CACNA1G: variants seen among roughly 807,000 people sequenced by gnomAD.
CACNA1G encodes the protein voltage-dependent T-type calcium channel subunit alpha-1G.
A neutral mutation model predicts 219.4 loss-of-function variants in CACNA1G; 67 were observed. The observed-to-expected ratio is 0.31, with a 90% CI of 0.25 to 0.37. The LOEUF is 0.37. CACNA1G is among the 10% of genes least tolerant of loss of function. The probability of loss-of-function intolerance (pLI) is 1.00; values close to 1 mark genes in which losing one functional copy is unlikely to be tolerated. For synonymous variants in CACNA1G, 1,296 were observed against 1,345.3 expected (o/e 0.96, Z 0.80); for missense variants, 2,380 against 3,231.4 (o/e 0.74, Z 6.39).
At chr17:50,597,085 A>G (rs1036683225) in intron 16 of CACNA1G, among the ~76,000 whole-genome samples, 162 bp downstream of exon 16, 1 of 152,088 alleles carries the variant, frequency 6.6e-6, no homozygotes, top group African/African-American at 2.4e-5. Context: ...TGCGCCGGTG[A>G]TGCAAACCAG....
At position 50,603,171 on chromosome 17, in the gene CACNA1G, C is replaced by T. The variant is rs536204813; in HGVS notation, c.4141C>T (p.Arg1381Trp). The change falls in exon 21 of 38, where the codon CGG (arginine) becomes TGG (tryptophan). Residue 1381 changes from arginine (R) to tryptophan (W), a missense_variant. Physicochemically the swap from Arg to Trp is moderately radical, Grantham distance 101. This residue lies in a region of CACNA1G where 153 missense variants were observed against 374.9 expected (regional missense o/e 0.41). Transcript: ENST00000359106. The surrounding 1 kb of genome is among the most constrained non-coding windows in gnomAD (Gnocchi z 6.4). The part of the protein sequence containing the change: ...TKILGMLRVL[R>W]LLRTLRPLRV... ...GATCCTGGGCATGCTGAGGGTGCTG[C>T]GGCTGCTGCGGACCCTGCGCCCGCT... 3 of 1,608,206 alleles carry T rather than the reference C, an allele frequency of 1.9e-6. No individual in the cohort carries two copies. Among genetic ancestry groups the T allele is most frequent in the Non-Finnish European group, 2.5e-6 (3 of 1,179,698 alleles).
intron 1 of CACNA1G, among the ~76,000 whole-genome samples, chr17:50,567,877 A>G (rs2038344292): frequency 6.6e-6 from 1 of 152,118 alleles, no homozygotes; most frequent in Admixed American, 6.6e-5. Flanking sequence ...CCCAGGGTTT[A>G]GAAAGAACCC....
At chr17:50,614,705 C>T (rs893470539) in intron 26 of CACNA1G, among the ~76,000 whole-genome samples, 2 of 152,206 alleles carry the variant, frequency 1.3e-5, no homozygotes, top group Non-Finnish European at 1.5e-5. Flanking sequence ...TGGGTGAGTC[C>T]AACAGGTGGG....
chr17:50,617,541 C>T lies in CACNA1G; in HGVS notation c.5125C>T (p.Arg1709Cys), dbSNP rs1361597066. The T allele has an allele frequency of 2.5e-6, 4 of 1,614,048 alleles. No homozygotes were observed. Among genetic ancestry groups the T allele is most frequent in the African/African-American group, 1.3e-5 (1 of 75,068 alleles). The change falls in exon 29 of 38, where the codon CGC becomes TGC. Residue 1709 changes from arginine (R) to cysteine (C), a missense_variant. By Grantham distance (180) the Arg-to-Cys change is radical (BLOSUM62 -3). Coordinates refer to ENST00000359106, the MANE Select transcript of CACNA1G (RefSeq NM_018896.5). The surrounding 1 kb of genome is among the most constrained non-coding windows in gnomAD (Gnocchi z 5.8). The part of the protein sequence containing the change: ...ASLPINPTII[R>C]IMRVLRIARV... ...GCTGCCCATCAACCCCACCATCATC[C>T]GCATCATGAGGGTGCTGCGCATTGC...
intron 26 of CACNA1G, among the ~76,000 whole-genome samples, chr17:50,610,143 C>T (rs911846647): frequency 5.9e-5 from 9 of 152,214 alleles, no homozygotes; most frequent in Admixed American, 5.2e-4. Flanking sequence ...TCTCTGCCGA[C>T]GCCCTTTGGA....
chr17:50,573,180 G>C (rs771822022), intron 7 of CACNA1G, 67 bp downstream of exon 7: 17 of 1,175,416 alleles, frequency 1.4e-5, no homozygotes, highest in Admixed American at 7.9e-5. Flanking sequence ...GCAGTCCAGA[G>C]AGGGGATAGT....
At chr17:50,564,317 C>T (rs1206720131) in intron 1 of CACNA1G, among the ~76,000 whole-genome samples, 2 of 151,882 alleles carry the variant, frequency 1.3e-5, no homozygotes, top group African/African-American at 4.8e-5. Context: ...GCTCCCCTCT[C>T]GGGGAGGAGT....
At position 50,569,167 on chromosome 17, in the gene CACNA1G, C is replaced by T. The variant is rs755009667; in HGVS notation, c.357C>T (p.Ala119=). The T allele has an allele frequency of 3.7e-6, 6 of 1,613,598 alleles. No homozygotes were observed. The highest frequency in any genetic ancestry group is 5.1e-6 in the Non-Finnish European group (6 of 1,179,770). ...GCCACCTCTTGTCCCCACATCAGGCCTTTGATGACTTCATCTTTGCCTTCT... is the reference window on the plus strand; with the variant it reads ...GCCACCTCTTGTCCCCACATCAGGCTTTTGATGACTTCATCTTTGCCTTCT... The part of the protein sequence containing the change: ...CDSQRCRILQ[A]FDDFIFAFFA... Residue 119 remains alanine (A), a splice_region_variant and synonymous_variant, in exon 3 of 38, where the codon GCC becomes GCT. Coordinates refer to ENST00000359106, the MANE Select transcript of CACNA1G (RefSeq NM_018896.5).
At chr17:50,607,373 G>T in intron 24 of CACNA1G, 3 of 360,844 alleles carry the variant, frequency 8.3e-6, no homozygotes, top group Non-Finnish European at 1.1e-5. Flanking sequence ...GGGTGTGGTG[G>T]TATCATCTGG....
chr17:50,604,135 T>C lies in CACNA1G; in HGVS notation c.4170-20T>C. 2 of 1,608,116 alleles carry C rather than the reference T, an allele frequency of 1.2e-6. No homozygotes were observed. Among genetic ancestry groups the C allele is most frequent in the Non-Finnish European group, 1.7e-6 (2 of 1,176,322 alleles). On this transcript the variant is annotated intron_variant, in intron 21 of 37. Transcript: ENST00000359106. ...CTGGGCTGGGGGAAGCCTTATCACC[T>C]CCCTCCCTCCCCTCCCCAGGGTGAT...
intron 27 of CACNA1G, among the ~76,000 whole-genome samples, chr17:50,616,060 C>G (rs951684904): frequency 6.6e-6 from 1 of 152,220 alleles, no homozygotes; most frequent in African/African-American, 2.4e-5. Flanking sequence ...GAGAAAGATC[C>G]TTTAGCATAA....
rs561179587 is a variant in CACNA1G at position 50,599,935 on chromosome 17, A to G, written c.3690+76A>G. On this transcript the variant is annotated intron_variant, in intron 17 of 37. Coordinates refer to ENST00000359106, the MANE Select transcript of CACNA1G (RefSeq NM_018896.5). ...GGAGGTGTGCCTGGCCTGGCAGGGTATAAGGGAGTTACCATTCCAAGCCCA... is the reference window on the plus strand; with the variant it reads ...GGAGGTGTGCCTGGCCTGGCAGGGTGTAAGGGAGTTACCATTCCAAGCCCA... The G allele has an allele frequency of 5.7e-6, 8 of 1,411,862 alleles. No individual in the cohort carries two copies. In the East Asian group the frequency reaches 1.9e-4, roughly 33 times the overall value. 87.5% of individuals were successfully genotyped at this position (1,411,862 alleles called of 1,614,324 possible). A position where few individuals can be genotyped will look rare whatever the true frequency, so the allele number is the denominator to read the frequency against.
Position 50,595,007 on chromosome 17 carries a change from G to C in CACNA1G, c.2925G>C (p.Arg975=), listed in dbSNP as rs58944533. 6.4e-7 allele frequency: 1 copy of C among 1,554,588 alleles called. No individual in the cohort carries two copies. Among genetic ancestry groups the C allele is most frequent in the Non-Finnish European group, 8.7e-7 (1 of 1,148,446 alleles). The change falls in exon 14 of 38, where the codon CGG becomes CGC. Residue 975 remains arginine (R), a synonymous_variant. Coordinates refer to ENST00000359106, the MANE Select transcript of CACNA1G (RefSeq NM_018896.5). ...EGFQAEEISK[R]EDASGQLSCI... is the part of the protein sequence containing the mutation. Reference sequence around the variant, plus strand: ...TTTCCCTGTAGGAAATCAGCAAACGGGAAGATGCGAGTGGACAGTTAAGCT... The same window carrying C: ...TTTCCCTGTAGGAAATCAGCAAACGCGAAGATGCGAGTGGACAGTTAAGCT...
chr17:50,582,543 C>T (rs1174438219), intron 9 of CACNA1G, among the ~76,000 whole-genome samples: 1 of 152,168 alleles, frequency 6.6e-6, no homozygotes, highest in Non-Finnish European at 1.5e-5. Context: ...GCGGGCCATC[C>T]TGACCATATC....
At position 50,576,154 on chromosome 17, in the gene CACNA1G, G is replaced by A; in HGVS notation, c.1752G>A (p.Val584=). The change falls in exon 8 of 38, where the codon GTG becomes GTA. Residue 584 remains valine, a synonymous_variant. Coordinates refer to ENST00000359106, the MANE Select transcript of CACNA1G (RefSeq NM_018896.5). ...CATCTGAGGCATCCGGCAGGACTGT[G>A]GGCAGCGGGAAGGTGTATCCCACCG... ...RSPSEASGRT[V]GSGKVYPTVH... 6.2e-7 allele frequency: 1 copy of A among 1,608,918 alleles called. No homozygotes were observed. The highest frequency in any genetic ancestry group is 8.5e-7 in the Non-Finnish European group (1 of 1,178,306).
chr17:50,592,378 A>G (rs2044513416), intron 13 of CACNA1G, among the ~76,000 whole-genome samples: 1 of 152,206 alleles, frequency 6.6e-6, no homozygotes, highest in Non-Finnish European at 1.5e-5. Context: ...CCAGAGAGGC[A>G]GACCAGATAA....
intron 26 of CACNA1G, among the ~76,000 whole-genome samples, chr17:50,610,597 C>G (rs1480894076): frequency 6.6e-6 from 1 of 152,126 alleles, no homozygotes; most frequent in Non-Finnish European, 1.5e-5. Flanking sequence ...TCCTCTCCCC[C>G]ACTGGCCCCC....
chr17:50,601,191 G>A lies in CACNA1G; in HGVS notation c.3915+17G>A, dbSNP rs753663655. The A allele has an allele frequency of 3.8e-5, 62 of 1,612,870 alleles. 2 individuals are homozygous for A. The Middle Eastern group carries it at 6.6e-4, about 17-fold the overall frequency. ...CACAGCGCTGTGAGTCACCAGCCCC[G>A]CTCAGGGCAAGGCCTCTCCTGGGGT... On this transcript the variant is annotated intron_variant, in intron 19 of 37. Transcript: ENST00000359106.
At position 50,618,232 on chromosome 17, in the gene CACNA1G, G is replaced by A. The variant is rs763525253; in HGVS notation, c.5316G>A (p.Glu1772=). ...TCCCTCCTCCCCCAGAGTGTGACGAGACACACCCCTGTGAGGGCCTGGGCC... is the reference window on the plus strand; with the variant it reads ...TCCCTCCTCCCCCAGAGTGTGACGAAACACACCCCTGTGAGGGCCTGGGCC... ...VELFGDLECD[E]THPCEGLGRH... is the part of the protein sequence containing the mutation. Residue 1772 remains glutamate (E), a synonymous_variant, in exon 32 of 38, where the codon GAG becomes GAA. Transcript: ENST00000359106. This position sits in a 1 kb window ranked among gnomAD's most constrained non-coding sequence, Gnocchi z 5.3. The A allele has an allele frequency of 6.2e-7, 1 of 1,613,686 alleles. No homozygotes were observed. The highest frequency in any genetic ancestry group is 1.1e-5 in the South Asian group (1 of 91,072).
Sources: allele counts gnomAD v4.1 joint callset (sites outside exome capture counted in the v4.1 genomes callset), GRCh38; gene constraint gnomAD v4.1.1; regional missense constraint gnomAD v4.1.1; non-coding constraint Gnocchi (gnomAD v3.1); transcripts MANE v1.5; gene names NCBI Gene and HGNC (gene_info 2026-07-23, HGNC 2026-07-21).